The following CCBE1 variants were observed in gnomAD, a reference collection of about 807,000 sequenced individuals.
The protein encoded by CCBE1 is collagen and calcium binding EGF domains 1, also known as collagen and calcium-binding EGF domain-containing protein 1.
CCBE1 carries 37 observed loss-of-function variants against 50.0 expected under a neutral mutation model. That is an observed-to-expected ratio of 0.74 (90% confidence interval 0.57 to 0.97). CCBE1 has a LOEUF of 0.97. CCBE1 is among the 50% of genes least tolerant of loss of function. The probability of loss-of-function intolerance (pLI) is 0.00; values close to 1 mark genes in which losing one functional copy is unlikely to be tolerated. For missense variants in CCBE1, 538 were observed against 523.8 expected (o/e 1.03, Z -0.26); for synonymous variants, 234 against 203.7 (o/e 1.15, Z -1.27).
intron 2 of CCBE1, among the ~76,000 whole-genome samples, chr18:59,613,932 T>G (rs1438322056): frequency 7.5e-6 from 1 of 133,500 alleles, no homozygotes; most frequent in African/African-American, 2.7e-5. Flanking sequence ...TGGAGTGCAA[T>G]GGCAGAATCT....
Position 59,696,609 on chromosome 18 carries a change from C to A in CCBE1, c.212+20G>T. The A allele has an allele frequency of 6.2e-7, 1 of 1,613,298 alleles. No individual in the cohort carries two copies. On this transcript the variant is annotated intron_variant, in intron 2 of 10. Transcript: ENST00000439986. ...CCCCGGTGCGCAGTGGCGAACAGCC[C>A]GCAGAGCCCCCAGGCTTACCTGTAG...
At chr18:59,502,158 G>A (rs1006477609) in intron 2 of CCBE1, among the ~76,000 whole-genome samples, 1 of 152,128 alleles carries the variant, frequency 6.6e-6, no homozygotes, top group Non-Finnish European at 1.5e-5. Context: ...GTGTCACCTT[G>A]GGGTCTGAGC....
At chr18:59,521,481 C>T (rs1395695772) in intron 2 of CCBE1, among the ~76,000 whole-genome samples, 2 of 152,088 alleles carry the variant, frequency 1.3e-5, no homozygotes, top group East Asian at 3.9e-4. Context: ...GCAGAGAATT[C>T]CAGAAGGACT....
intron 2 of CCBE1, among the ~76,000 whole-genome samples, chr18:59,494,187 G>T (rs953025778): frequency 6.6e-6 from 1 of 152,216 alleles, no homozygotes; most frequent in African/African-American, 2.4e-5. Flanking sequence ...AATTTCAGGA[G>T]CCAGGGAAAT....
chr18:59,572,601 A>G (rs1197166922), intron 2 of CCBE1, among the ~76,000 whole-genome samples: 1 of 152,236 alleles, frequency 6.6e-6, no homozygotes, highest in African/African-American at 2.4e-5. Flanking sequence ...AGAAATGTCA[A>G]AATATATAAA....
rs182172027 is a variant in CCBE1, at chr18:59,469,651, C to G, written c.266-44G>C. 5.0e-6 allele frequency: 8 copies of G among 1,612,566 alleles called. No individual in the cohort carries two copies. In the African/African-American group the frequency reaches 9.3e-5, roughly 19 times the overall value. ...AGCTCACATCAACTACAGGAGGAGG[C>G]GGAGTAACCTGGCCCTGGCCTGGAA... On this transcript the variant is annotated intron_variant, in intron 3 of 10. Transcript: ENST00000439986.
chr18:59,495,418 G>T (rs1321737496), intron 2 of CCBE1, among the ~76,000 whole-genome samples: 2 of 145,374 alleles, frequency 1.4e-5, no homozygotes, highest in African/African-American at 5.1e-5. Context: ...TTTCCAGAGC[G>T]GGAAACAGAG....
chr18:59,534,810 A>G (rs375618261), intron 2 of CCBE1, among the ~76,000 whole-genome samples: 24 of 152,208 alleles, frequency 1.6e-4, no homozygotes, highest in African/African-American at 5.5e-4. Flanking sequence ...CACAGCCTGT[A>G]CATTTTCTGT....
chr18:59,600,826 C>T (rs1338837912), intron 2 of CCBE1, among the ~76,000 whole-genome samples: 1 of 152,014 alleles, frequency 6.6e-6, no homozygotes, highest in Non-Finnish European at 1.5e-5. Context: ...TCACCTCATC[C>T]CCTAGCCTTG....
intron 2 of CCBE1, among the ~76,000 whole-genome samples, chr18:59,689,645 C>T (rs893761892): frequency 3.3e-5 from 5 of 152,180 alleles, no homozygotes; most frequent in African/African-American, 1.2e-4. Context: ...GTTGGAGGGG[C>T]ATGCCTTCTT....
chr18:59,433,891 C>CTTTTTTTTTTTTTTT lies in CCBE1; in HGVS notation c.*2002_*2016dup, dbSNP rs373652074. ...ACAGGCATGAGCCACCAAGCCCGGC[C>CTTTTTTTTTTTTTTT]TTTTTTTTTTTTTTTTTTTTTTTTT... On this transcript the variant is annotated 3_prime_UTR_variant, in exon 11 of 11. Transcript: ENST00000439986. The CTTTTTTTTTTTTTTT allele has an allele frequency of 2.9e-5, 2 of 70,050 alleles. No individual in the cohort carries two copies. The highest frequency in any genetic ancestry group is 1.2e-4 in the African/African-American group (2 of 16,450). 4.3% of individuals were successfully genotyped at this position (70,050 alleles called of 1,614,324 possible). A position where few individuals can be genotyped will look rare whatever the true frequency, so the allele number is the denominator to read the frequency against.
At chr18:59,625,256 C>T (rs2005278) in intron 2 of CCBE1, among the ~76,000 whole-genome samples, 69,123 of 151,328 alleles carry the variant, frequency 0.46, 17,229 homozygotes, top group African/African-American at 0.66. Context: ...ACGGTGAAAC[C>T]CCATCTCTAC....
At chr18:59,520,513 G>A (rs1301947777) in intron 2 of CCBE1, among the ~76,000 whole-genome samples, 3 of 152,226 alleles carry the variant, frequency 2.0e-5, no homozygotes, top group Non-Finnish European at 4.4e-5. Flanking sequence ...CTGTTCAGAT[G>A]TTTGCTAAGC....
chr18:59,484,875 TAAA>T (rs1023410772), intron 2 of CCBE1, among the ~76,000 whole-genome samples: 12 of 152,146 alleles, frequency 7.9e-5, no homozygotes, highest in Non-Finnish European at 1.5e-5. Context: ...TCTGAAGTAT[TAAA>T]AAAATAAACA....
Position 59,584,142 on chromosome 18 carries a change from A to C in CCBE1, c.213-103904T>G, listed in dbSNP as rs925975663. On this transcript the variant is annotated intron_variant, in intron 2 of 10. Coordinates refer to ENST00000439986, the MANE Select transcript of CCBE1 (RefSeq NM_133459.4). ...TAGACTGGATTAAGGAAATGTGGCAAATATACACCATGGAATACTATGAAG... is the reference window on the plus strand; with the variant it reads ...TAGACTGGATTAAGGAAATGTGGCACATATACACCATGGAATACTATGAAG... 5.3e-5 allele frequency among the ~76,000 whole-genome samples: 8 copies of C among 152,122 alleles called. No individual in the cohort carries two copies. In the South Asian group the frequency reaches 6.2e-4, roughly 12 times the overall value.
chr18:59,636,801 A>G (rs1389263201), intron 2 of CCBE1, among the ~76,000 whole-genome samples: 1 of 152,270 alleles, frequency 6.6e-6, no homozygotes, highest in Non-Finnish European at 1.5e-5. Flanking sequence ...GGATACAACT[A>G]AACAGATACT....
At chr18:59,627,473 T>C (rs971018100) in intron 2 of CCBE1, among the ~76,000 whole-genome samples, 2 of 152,226 alleles carry the variant, frequency 1.3e-5, no homozygotes, top group East Asian at 1.9e-4. Flanking sequence ...CAAGTCCTAC[T>C]TCCTGGTACC....
At chr18:59,507,862 G>A (rs1006600739) in intron 2 of CCBE1, among the ~76,000 whole-genome samples, 2 of 150,826 alleles carry the variant, frequency 1.3e-5, no homozygotes, top group Non-Finnish European at 3.0e-5. Flanking sequence ...CAAGCAGTGT[G>A]TTATGTTAAT....
At chr18:59,491,588 C>A (rs1002626494) in intron 2 of CCBE1, among the ~76,000 whole-genome samples, 1 of 152,118 alleles carries the variant, frequency 6.6e-6, no homozygotes, top group Non-Finnish European at 1.5e-5. Flanking sequence ...CCAAGGCGGG[C>A]GGATCACCTG....
Sources: gnomAD v4.1 joint callset for allele counts (sites outside exome capture counted in the v4.1 genomes callset) on GRCh38, gnomAD v4.1.1 for gene constraint, MANE v1.5 for transcripts, NCBI Gene and HGNC (gene_info 2026-07-23, HGNC 2026-07-21) for gene names.